SYNJ2: variants seen among roughly 807,000 people sequenced by gnomAD.
SYNJ2 encodes the protein polyphosphatidylinositol phosphatase SYNJ2.
Under a neutral mutation model 141.3 loss-of-function variants are expected in SYNJ2, and 116 were observed. That is an observed-to-expected ratio of 0.82 (90% CI 0.71 to 0.96). SYNJ2 has a LOEUF of 0.96. Ranked by LOEUF, SYNJ2 falls within the 40% of genes least tolerant of loss-of-function variation. The probability of loss-of-function intolerance (pLI) is 0.00; values close to 1 mark genes in which losing one functional copy is unlikely to be tolerated. For missense variants in SYNJ2, 1,873 were observed against 1,934.8 expected, an observed-to-expected ratio of 0.97 and a Z score of 0.60; for synonymous variants, 745 against 777.7, an observed-to-expected ratio of 0.96 and a Z score of 0.70.
chr6:158,079,384 C>CT (rs368589969), intron 18 of SYNJ2: 5,289 of 136,726 alleles, frequency 0.039, 333 homozygotes, highest in African/African-American at 0.13. Context: ...ACGAAAAAAC[C>CT]TTTTTTTTTT....
Position 157,982,969 on chromosome 6 carries a change from C to T in SYNJ2, c.127+881C>T, listed in dbSNP as rs1290941884. ...CTGGGTAGCACCAAAGCACGTGAAACCAGGTCTGATTGTTAGACTTCTAAA... is the reference window on the plus strand; with the variant it reads ...CTGGGTAGCACCAAAGCACGTGAAATCAGGTCTGATTGTTAGACTTCTAAA... On this transcript the variant is annotated intron_variant, in intron 1 of 26. Transcript: ENST00000355585. The surrounding 1 kb of genome is among the most constrained non-coding windows in gnomAD (Gnocchi z 4.0). 6.6e-6 allele frequency among the ~76,000 whole-genome samples: 1 copy of T among 152,194 alleles called. No individual in the cohort carries two copies. Among genetic ancestry groups the T allele is most frequent in the Non-Finnish European group, 1.5e-5 (1 of 68,046 alleles).
At chr6:158,051,258 G>C (rs1347461412) in intron 5 of SYNJ2, among the ~76,000 whole-genome samples, 1 of 152,178 alleles carries the variant, frequency 6.6e-6, no homozygotes, top group Non-Finnish European at 1.5e-5. Flanking sequence ...GCTGAAGCCA[G>C]GGGAGACTTC....
At chr6:158,047,766 G>A (rs1232294832) in intron 5 of SYNJ2, among the ~76,000 whole-genome samples, 8 of 71,488 alleles carry the variant, frequency 1.1e-4, no homozygotes, top group East Asian at 1.1e-3. Context: ...AACAGAGTGC[G>A]ACTCTGTCAA....
At chr6:157,986,631 G>A (rs527813663) in intron 1 of SYNJ2, among the ~76,000 whole-genome samples, 8 of 152,270 alleles carry the variant, frequency 5.3e-5, no homozygotes, top group South Asian at 4.1e-4. Flanking sequence ...CACCACGCCC[G>A]GCCTTCCCCG....
At position 158,040,301 on chromosome 6, in the gene SYNJ2, T is replaced by C. The variant is rs546970348; in HGVS notation, c.712-3015T>C. ...GTGTGTGCCTTGTGTTTGTTTTTCA[T>C]GTGTATGTGTGCAGTGTGTGCATTT... On this transcript the variant is annotated intron_variant, in intron 4 of 26. Coordinates refer to ENST00000355585, the MANE Select transcript of SYNJ2 (RefSeq NM_003898.4). This position sits in a 1 kb window ranked among gnomAD's most constrained non-coding sequence, Gnocchi z 4.2. Among the ~76,000 whole-genome samples, 169 of 152,258 alleles carry C rather than the reference T, an allele frequency of 1.1e-3. No homozygotes were observed. The highest frequency in any genetic ancestry group is 4.0e-3 in the African/African-American group (166 of 41,544).
intron 17 of SYNJ2, 129 bp downstream of exon 17, chr6:158,076,911 A>G: frequency 8.5e-7 from 1 of 1,182,280 alleles, no homozygotes; most frequent in Non-Finnish European, 1.1e-6. Context: ...AGATGACACA[A>G]AAGTCATCCC....
chr6:158,056,263 T>C (rs1334462001), intron 6 of SYNJ2, among the ~76,000 whole-genome samples: 1 of 152,182 alleles, frequency 6.6e-6, no homozygotes, highest in African/African-American at 2.4e-5. Context: ...TGGTAATGCA[T>C]GGTGTGTGAG....
At position 158,010,918 on chromosome 6, in the gene SYNJ2, CAG is replaced by C. The variant is rs368935325; in HGVS notation, c.128-6285_128-6284del. 6.2e-4 allele frequency among the ~76,000 whole-genome samples: 79 copies of C among 128,384 alleles called. 1 individual carries two copies. The South Asian group carries it at 0.013, about 21-fold the overall frequency. 84.2% of individuals were successfully genotyped at this position (128,384 alleles called of 152,430 possible). ...CCAAAAGAGGATGGCCTCGTGATGA[CAG>C]GGGACACATGGGGAGAGGATGGCCT... On this transcript the variant is annotated intron_variant, in intron 1 of 26. Transcript: ENST00000355585.
chr6:158,072,282 G>A (rs548339401), intron 15 of SYNJ2, among the ~76,000 whole-genome samples: 2 of 152,320 alleles, frequency 1.3e-5, no homozygotes, highest in East Asian at 1.9e-4. Flanking sequence ...TCTTGACCAA[G>A]GAGCCCAGAT....
intron 11 of SYNJ2, 100 bp from the exon 12 acceptor site, chr6:158,066,344 A>C: frequency 5.1e-6 from 7 of 1,383,042 alleles, no homozygotes; most frequent in Non-Finnish European, 7.1e-6. Context: ...CTAGAGGCTC[A>C]TGAACCATCT....
Position 158,028,796 on chromosome 6 carries a change from C to T in SYNJ2, c.255C>T (p.Cys85=). 1.2e-6 allele frequency: 2 copies of T among 1,614,180 alleles called. No homozygotes were observed. The highest frequency in any genetic ancestry group is 1.7e-6 in the Non-Finnish European group (2 of 1,180,022). Residue 85 remains cysteine (C), a synonymous_variant, in exon 3 of 27, where the codon TGC becomes TGT. Transcript: ENST00000355585. ...SLSFLVLVTG[C]TSVGRIPDAE... ...GCTTCCTGGTGTTGGTGACAGGCTG[C>T]ACATCTGTGGGCAGAATTCCAGATG...
At chr6:158,090,529 C>T (rs1168905845) in intron 25 of SYNJ2, among the ~76,000 whole-genome samples, 3 of 131,938 alleles carry the variant, frequency 2.3e-5, no homozygotes, top group South Asian at 2.4e-4. Flanking sequence ...CCCTTTTCTT[C>T]GTTTTTTTTT....
intron 2 of SYNJ2, among the ~76,000 whole-genome samples, chr6:158,025,052 C>T (rs1225016151): frequency 6.6e-6 from 1 of 152,192 alleles, no homozygotes; most frequent in African/African-American, 2.4e-5. Context: ...CCGTAGTAGA[C>T]GGGGTGGCTT....
chr6:157,993,884 G>A (rs934415150), intron 1 of SYNJ2, among the ~76,000 whole-genome samples: 12 of 129,144 alleles, frequency 9.3e-5, no homozygotes, highest in African/African-American at 3.2e-4. Flanking sequence ...CAGCTACCTC[G>A]GCTCACTGCA....
At chr6:158,059,498 A>G in intron 7 of SYNJ2, 145 bp downstream of exon 7, 1 of 1,460,470 alleles carries the variant, frequency 6.8e-7, no homozygotes, top group Non-Finnish European at 9.0e-7. Context: ...CATTCCGACC[A>G]GTGAACACGG....
chr6:158,094,175 CTGTCCCT>C (rs1362790565), intron 26 of SYNJ2: 20 of 590,574 alleles, frequency 3.4e-5, no homozygotes, highest in Non-Finnish European at 5.4e-5. Flanking sequence ...TCATTGCCAT[CTGTCCCT>C]TGTCCATGCT....
chr6:158,056,473 C>A, intron 6 of SYNJ2, among the ~76,000 whole-genome samples: 1 of 152,220 alleles, frequency 6.6e-6, no homozygotes, highest in Non-Finnish European at 1.5e-5. Flanking sequence ...TTCTTACCCA[C>A]GACACTGGGC....
chr6:158,021,285 T>G (rs1480547288), intron 2 of SYNJ2, among the ~76,000 whole-genome samples: 1 of 152,172 alleles, frequency 6.6e-6, no homozygotes, highest in African/African-American at 2.4e-5. Flanking sequence ...CCCTCCTAGA[T>G]TCTAGTTCCC....
At chr6:158,089,759 C>T (rs1783311168) in intron 24 of SYNJ2, 80 bp from the exon 25 acceptor site, 7 of 1,036,666 alleles carry the variant, frequency 6.8e-6, no homozygotes, top group Middle Eastern at 2.6e-4. Flanking sequence ...CCTGCACAGA[C>T]CCACGGGTAG....
Sources: allele counts gnomAD v4.1 joint callset (sites outside exome capture counted in the v4.1 genomes callset), GRCh38; gene constraint gnomAD v4.1.1; non-coding constraint Gnocchi (gnomAD v3.1); transcripts MANE v1.5; gene names NCBI Gene and HGNC (gene_info 2026-07-23, HGNC 2026-07-21).